Variants in LYN observed in about 807,000 individuals in gnomAD.
LYN encodes the protein LYN proto-oncogene, Src family tyrosine kinase.
In LYN, 12 loss-of-function variants were observed where a neutral mutation model predicts 65.0. The ratio of observed to expected loss-of-function variants is 0.18; its 90% CI spans 0.12 to 0.30. LYN has a LOEUF of 0.30. Ranked by LOEUF, LYN falls within the 10% of genes least tolerant of loss-of-function variation. LYN has a pLI of 1.00. For missense variants in LYN, 380 were observed against 623.2 expected (o/e 0.61, Z 4.16); for synonymous variants, 222 against 221.2 (o/e 1.00, Z -0.03).
intron 10 of LYN, among the ~76,000 whole-genome samples, chr8:55,986,488 G>A (rs1400013614): frequency 6.6e-6 from 1 of 152,162 alleles, no homozygotes; most frequent in African/African-American, 2.4e-5. Flanking sequence ...TTCTAAAGAA[G>A]GTAATTCTGT....
At chr8:55,970,084 T>G (rs1807569972) in intron 10 of LYN, among the ~76,000 whole-genome samples, 1 of 152,234 alleles carries the variant, frequency 6.6e-6, no homozygotes, top group South Asian at 2.1e-4. Flanking sequence ...AATCAATCAC[T>G]TTCTCAGCAT....
At chr8:56,006,417 C>A (rs1005929661) in intron 12 of LYN, among the ~76,000 whole-genome samples, 11 of 152,178 alleles carry the variant, frequency 7.2e-5, no homozygotes, top group Non-Finnish European at 1.5e-4. Flanking sequence ...ACAAAGGGCC[C>A]TGTGTGACTG....
At chr8:55,969,533 G>A (rs985425800) in intron 9 of LYN, among the ~76,000 whole-genome samples, 184 bp from the exon 10 acceptor site, 1 of 152,202 alleles carries the variant, frequency 6.6e-6, no homozygotes, top group African/African-American at 2.4e-5. Context: ...TCAGGTCAAA[G>A]GTAACAGATT....
At chr8:55,992,349 A>G (rs933841015) in intron 10 of LYN, among the ~76,000 whole-genome samples, 1 of 152,208 alleles carries the variant, frequency 6.6e-6, no homozygotes, top group Non-Finnish European at 1.5e-5. Flanking sequence ...CCTCCAAGCC[A>G]TGAGGCCCAC....
intron 1 of LYN, among the ~76,000 whole-genome samples, chr8:55,891,377 A>T (rs928180963): frequency 3.3e-5 from 5 of 152,060 alleles, no homozygotes; most frequent in Non-Finnish European, 7.4e-5. Context: ...GGAAATGCTG[A>T]CACATGATAC....
chr8:55,881,319 G>A (rs771423666), intron 1 of LYN, among the ~76,000 whole-genome samples: 10 of 152,172 alleles, frequency 6.6e-5, no homozygotes, highest in Non-Finnish European at 1.5e-4. Context: ...GGGCCCAGTA[G>A]TCTGACTTTC....
chr8:55,967,521 G>A (rs1015855980), intron 9 of LYN, among the ~76,000 whole-genome samples: 1 of 151,816 alleles, frequency 6.6e-6, no homozygotes, highest in Non-Finnish European at 1.5e-5. Flanking sequence ...TCGCCATGTT[G>A]GCCAGGCTGG....
At chr8:55,984,896 GA>G (rs2130559250) in intron 10 of LYN, among the ~76,000 whole-genome samples, 1 of 152,276 alleles carries the variant, frequency 6.6e-6, no homozygotes, top group Admixed American at 6.5e-5. Flanking sequence ...TATTTGTTTG[GA>G]AATCTATGTT....
intron 8 of LYN, among the ~76,000 whole-genome samples, chr8:55,961,659 T>C (rs1015586426): frequency 6.6e-6 from 1 of 152,196 alleles, no homozygotes; most frequent in Non-Finnish European, 1.5e-5. Context: ...TACTCATACT[T>C]TTCTATTTAT....
chr8:55,999,842 A>G (rs1459387957), intron 12 of LYN, among the ~76,000 whole-genome samples: 1 of 151,990 alleles, frequency 6.6e-6, no homozygotes, highest in Non-Finnish European at 1.5e-5. Flanking sequence ...ATGGTGACGC[A>G]TGCCTGTAAT....
chr8:55,966,824 C>T lies in LYN; in HGVS notation c.900C>T (p.Asp300=), dbSNP rs531258350. 6.2e-7 allele frequency: 1 copy of T among 1,614,138 alleles called. No homozygotes were observed. Among genetic ancestry groups the T allele is most frequent in the East Asian group, 2.2e-5 (1 of 44,882 alleles). ...ACCTCATGAAGACCCTGCAGCATGACAAGCTCGTGAGGCTCTACGCTGTGG... is the reference window on the plus strand; with the variant it reads ...ACCTCATGAAGACCCTGCAGCATGATAAGCTCGTGAGGCTCTACGCTGTGG... ...EANLMKTLQH[D]KLVRLYAVVT... Residue 300 remains aspartate (D), a synonymous_variant, in exon 9 of 13, where the codon GAC becomes GAT. Transcript: ENST00000519728.
intron 10 of LYN, among the ~76,000 whole-genome samples, chr8:55,989,552 A>C (rs898659767): frequency 6.6e-6 from 1 of 152,158 alleles, no homozygotes; most frequent in African/African-American, 2.4e-5. Context: ...GCCTACTCAC[A>C]TGGACACTCC....
chr8:55,885,427 C>T (rs28396906), intron 1 of LYN, among the ~76,000 whole-genome samples: 20,279 of 152,244 alleles, frequency 0.13, 1,784 homozygotes, highest in Middle Eastern at 0.23. Context: ...GCTCACTCCT[C>T]TTTATTGACA....
chr8:55,979,865 G>A (rs2130549511), intron 10 of LYN, among the ~76,000 whole-genome samples: 1 of 152,360 alleles, frequency 6.6e-6, no homozygotes, highest in South Asian at 2.1e-4. Flanking sequence ...CTGCCAGAGG[G>A]CCGCCCACCC....
intron 1 of LYN, among the ~76,000 whole-genome samples, chr8:55,929,029 G>A (rs1279203245): frequency 6.6e-6 from 1 of 152,042 alleles, no homozygotes; most frequent in African/African-American, 2.4e-5. Flanking sequence ...AGTTGTTCCA[G>A]TACCACTTAT....
intron 1 of LYN, among the ~76,000 whole-genome samples, chr8:55,902,326 T>A (rs1313421994): frequency 2.3e-5 from 1 of 44,108 alleles, no homozygotes; most frequent in African/African-American, 8.4e-5. Context: ...GTACTTTCTT[T>A]CTTTCTTTTT....
chr8:55,903,089 C>T (rs574164468), intron 1 of LYN, among the ~76,000 whole-genome samples: 7 of 152,152 alleles, frequency 4.6e-5, no homozygotes, highest in South Asian at 2.1e-4. Context: ...CTTCGCGATC[C>T]GCCCACTTCA....
At chr8:56,003,110 A>T (rs1430618984) in intron 12 of LYN, among the ~76,000 whole-genome samples, 1 of 146,194 alleles carries the variant, frequency 6.8e-6, no homozygotes, top group Non-Finnish European at 1.5e-5. Flanking sequence ...CCCAGGCTGG[A>T]GTGCAGTGGC....
chr8:55,998,160 G>A (rs1808429130), intron 10 of LYN, among the ~76,000 whole-genome samples, 186 bp from the exon 11 acceptor site: 1 of 151,964 alleles, frequency 6.6e-6, no homozygotes, highest in African/African-American at 2.4e-5. Context: ...TTTGGCAGAG[G>A]GTGGTCAGTT....
Sources: gnomAD v4.1 joint callset for allele counts (sites outside exome capture counted in the v4.1 genomes callset) on GRCh38, gnomAD v4.1.1 for gene constraint, MANE v1.5 for transcripts, NCBI Gene and HGNC (gene_info 2026-07-23, HGNC 2026-07-21) for gene names.